Variants in PLCH1 observed in about 807,000 individuals in gnomAD.
PLCH1 encodes 1-phosphatidylinositol 4,5-bisphosphate phosphodiesterase eta-1.
A neutral mutation model predicts 126.7 loss-of-function variants in PLCH1; 60 were observed. That is an observed-to-expected ratio of 0.47 (90% CI 0.38 to 0.59). PLCH1 has a LOEUF of 0.59. Ranked by LOEUF, PLCH1 falls within the 20% of genes least tolerant of loss-of-function variation. PLCH1 has a pLI of 0.00. For synonymous variants in PLCH1, 719 were observed against 734.9 expected, an observed-to-expected ratio of 0.98 and a Z score of 0.35; for missense variants, 1,723 against 2,040.0, an observed-to-expected ratio of 0.84 and a Z score of 2.99.
chr3:155,742,073 C>T (rs1749682597), intron 1 of PLCH1: 1 of 152,064 alleles, frequency 6.6e-6, no homozygotes, highest in Non-Finnish European at 1.5e-5. Context: ...TTAAGAGTAC[C>T]AAAGGTAGTA....
At chr3:155,539,705 G>GAA (rs924753122) in intron 10 of PLCH1, among the ~76,000 whole-genome samples, 1 of 152,152 alleles carries the variant, frequency 6.6e-6, no homozygotes, top group African/African-American at 2.4e-5. Context: ...TATCTACAAG[G>GAA]AAAACTACAA....
chr3:155,737,218 C>G (rs1192072593), intron 1 of PLCH1, among the ~76,000 whole-genome samples: 1 of 47,224 alleles, frequency 2.1e-5, no homozygotes, highest in Non-Finnish European at 4.8e-5. Context: ...GGTGACAGAG[C>G]AAGCCTCCGT....
At chr3:155,538,138 C>T (rs1453917059) in intron 10 of PLCH1, among the ~76,000 whole-genome samples, 1 of 152,058 alleles carries the variant, frequency 6.6e-6, no homozygotes, top group African/African-American at 2.4e-5. Context: ...ATAATCTGCT[C>T]CTGAATAATT....
At chr3:155,621,882 C>T (rs537852702) in intron 2 of PLCH1, among the ~76,000 whole-genome samples, 8 of 152,210 alleles carry the variant, frequency 5.3e-5, no homozygotes, top group East Asian at 3.9e-4. Flanking sequence ...GCAAGACAGG[C>T]CAGCATTCAA....
chr3:155,677,230 G>T (rs150963165), intron 2 of PLCH1, among the ~76,000 whole-genome samples: 1 of 152,110 alleles, frequency 6.6e-6, no homozygotes, highest in African/African-American at 2.4e-5. Flanking sequence ...CCAGTGTCAG[G>T]CCCTTTAGGC....
At chr3:155,734,457 C>G (rs997269155) in intron 1 of PLCH1, among the ~76,000 whole-genome samples, 12 of 151,906 alleles carry the variant, frequency 7.9e-5, no homozygotes, top group Non-Finnish European at 1.5e-4. Flanking sequence ...GAGACCCTAT[C>G]TCAAAATAAA....
At chr3:155,515,211 C>A (rs1474651452) in intron 11 of PLCH1, among the ~76,000 whole-genome samples, 4 of 152,078 alleles carry the variant, frequency 2.6e-5, no homozygotes, top group African/African-American at 7.2e-5. Flanking sequence ...TAAGTTGTTC[C>A]TGGTTACATA....
chr3:155,465,699 T>C (rs953006859), intron 21 of PLCH1, among the ~76,000 whole-genome samples: 1 of 151,820 alleles, frequency 6.6e-6, no homozygotes, highest in Non-Finnish European at 1.5e-5. Flanking sequence ...ATTCTAGAAC[T>C]TGACTCTTAG....
chr3:155,526,142 C>T (rs991598861), intron 10 of PLCH1, among the ~76,000 whole-genome samples: 1 of 152,076 alleles, frequency 6.6e-6, no homozygotes, highest in Non-Finnish European at 1.5e-5. Context: ...GGCTAAGAGG[C>T]CAAGGCGACT....
intron 2 of PLCH1, among the ~76,000 whole-genome samples, chr3:155,653,415 A>G (rs922837857): frequency 4.6e-5 from 7 of 152,082 alleles, no homozygotes; most frequent in African/African-American, 1.7e-4. Flanking sequence ...GCTTTATTTG[A>G]ACTGTCCAAA....
intron 13 of PLCH1, among the ~76,000 whole-genome samples, chr3:155,503,537 CTTTTTT>C (rs57141788): frequency 6.9e-6 from 1 of 144,400 alleles, no homozygotes; most frequent in Non-Finnish European, 1.5e-5. Context: ...TTACTTCTGT[CTTTTTT>C]TTTTTTTTCT....
intron 8 of PLCH1, among the ~76,000 whole-genome samples, chr3:155,562,538 C>T (rs1363916862): frequency 6.6e-6 from 1 of 152,184 alleles, no homozygotes; most frequent in East Asian, 1.9e-4. Flanking sequence ...CACTACTTCT[C>T]TAAGCAGATG....
At chr3:155,692,346 A>T (rs756983495) in intron 2 of PLCH1, among the ~76,000 whole-genome samples, 6 of 152,176 alleles carry the variant, frequency 3.9e-5, no homozygotes, top group Non-Finnish European at 7.3e-5. Flanking sequence ...TTGTGTACTG[A>T]TCAAATCAAT....
rs1187994498 is a variant in PLCH1, at chr3:155,480,309, A to T, written c.*659T>A. ...ATATGTAACAAAATTTATGTAAAACAAACAATTTTGTCCTTATGTACAAAA... is the reference window on the plus strand; with the variant it reads ...ATATGTAACAAAATTTATGTAAAACTAACAATTTTGTCCTTATGTACAAAA... On this transcript the variant is annotated 3_prime_UTR_variant, in exon 23 of 23. Coordinates refer to ENST00000460012, the MANE Select transcript of PLCH1 (RefSeq NM_014996.4). 1 of 152,662 alleles carries T rather than the reference A, an allele frequency of 6.6e-6. No individual in the cohort carries two copies. Among genetic ancestry groups the T allele is most frequent in the Non-Finnish European group, 1.5e-5 (1 of 68,048 alleles). The allele number at this position is 152,662 out of a possible 1,614,324, so 9.5% of individuals were successfully genotyped here. A position where few individuals can be genotyped will look rare whatever the true frequency, so the allele number is the denominator to read the frequency against.
Position 155,549,958 on chromosome 3 carries a change from C to T in PLCH1, c.1191G>A (p.Glu397=), listed in dbSNP as rs538700225. The change falls in exon 10 of 23, where the codon GAG becomes GAA. Residue 397 remains glutamate (E), a splice_region_variant and synonymous_variant. Transcript: ENST00000460012. ...TINKHAFVKN[E]FPVILSIENH... is the part of the protein sequence containing the mutation. Reference sequence around the variant, plus strand: ...TCTCGATAGACAATATAACAGGAAACCTGAGAAAAGAGCAACACAGTCCAG... The same window carrying T: ...TCTCGATAGACAATATAACAGGAAATCTGAGAAAAGAGCAACACAGTCCAG... 2 of 1,612,966 alleles carry T rather than the reference C, an allele frequency of 1.2e-6. No individual in the cohort carries two copies. Among genetic ancestry groups the T allele is most frequent in the Admixed American group, 1.7e-5 (1 of 59,860 alleles).
At position 155,570,149 on chromosome 3, in the gene PLCH1, G is replaced by C. The variant is rs531919398; in HGVS notation, c.772-1825C>G. ...CATAATAATGAGAATTGAAATGTAA[G>C]AGTCAATCGACTCCCAACCTTCCCC... On this transcript the variant is annotated intron_variant, in intron 6 of 22. Coordinates refer to ENST00000460012, the MANE Select transcript of PLCH1 (RefSeq NM_014996.4). Among the ~76,000 whole-genome samples, 4 of 152,244 alleles carry C rather than the reference G, an allele frequency of 2.6e-5. No individual in the cohort carries two copies. The East Asian group carries it at 7.7e-4, about 29-fold the overall frequency.
At chr3:155,468,571 C>G (rs942969192) in intron 21 of PLCH1, among the ~76,000 whole-genome samples, 14 of 151,660 alleles carry the variant, frequency 9.2e-5, no homozygotes, top group African/African-American at 3.1e-4. Flanking sequence ...TAATGGAAAC[C>G]AAAAAAGAGC....
chr3:155,462,647 G>A (rs1192823781), intron 21 of PLCH1, among the ~76,000 whole-genome samples: 3 of 152,172 alleles, frequency 2.0e-5, no homozygotes, highest in Non-Finnish European at 2.9e-5. Context: ...ATCAGACCCA[G>A]GTTATGTATC....
intron 11 of PLCH1, 72 bp from the exon 12 acceptor site, chr3:155,514,956 G>T: frequency 1.1e-6 from 1 of 947,592 alleles, no homozygotes; most frequent in Non-Finnish European, 1.5e-6. Context: ...CTTTGATCAA[G>T]CCACAATTGC....
Sources: gnomAD v4.1 joint callset for allele counts (sites outside exome capture counted in the v4.1 genomes callset) on GRCh38, gnomAD v4.1.1 for gene constraint, MANE v1.5 for transcripts, NCBI Gene and HGNC (gene_info 2026-07-23, HGNC 2026-07-21) for gene names.